The following WDFY3 variants were observed in gnomAD, a reference collection of about 807,000 sequenced individuals.
The protein encoded by WDFY3 is WD repeat and FYVE domain-containing protein 3.
Under a neutral mutation model 409.6 loss-of-function variants are expected in WDFY3, and 66 were observed. That is an observed-to-expected ratio of 0.16 (90% CI 0.13 to 0.20). WDFY3 has a LOEUF of 0.20. Ranked by LOEUF, WDFY3 falls within the 10% of genes least tolerant of loss-of-function variation. The pLI is 1.00. For synonymous variants in WDFY3, 1,521 were observed against 1,537.1 expected, an observed-to-expected ratio of 0.99 and a Z score of 0.25; for missense variants, 3,031 against 4,298.1, an observed-to-expected ratio of 0.71 and a Z score of 8.24.
intron 3 of WDFY3, among the ~76,000 whole-genome samples, chr4:84,890,745 C>T (rs1019529637): frequency 6.6e-6 from 1 of 152,138 alleles, no homozygotes; most frequent in Non-Finnish European, 1.5e-5. Context: ...GTGAAAGCAG[C>T]CATATATAAT....
intron 5 of WDFY3, among the ~76,000 whole-genome samples, chr4:84,842,002 A>G (rs940295954): frequency 2.6e-5 from 4 of 152,222 alleles, no homozygotes; most frequent in Non-Finnish European, 5.9e-5. Flanking sequence ...CGTGAAATAC[A>G]TAAGACAGCC....
At chr4:84,736,787 A>T (rs1737509315) in intron 41 of WDFY3, among the ~76,000 whole-genome samples, 1 of 152,144 alleles carries the variant, frequency 6.6e-6, no homozygotes, top group Non-Finnish European at 1.5e-5. Flanking sequence ...ATATTCCCAT[A>T]CCAAGTAGGA....
At chr4:84,690,362 G>T in intron 61 of WDFY3, 144 bp downstream of exon 61, 3 of 1,156,032 alleles carry the variant, frequency 2.6e-6, no homozygotes, top group Non-Finnish European at 3.6e-6. Context: ...TTTCAAAAAA[G>T]TATTTCTAGC....
chr4:84,673,687 G>T (rs1235495629), intron 67 of WDFY3, among the ~76,000 whole-genome samples: 3 of 152,082 alleles, frequency 2.0e-5, no homozygotes, highest in Non-Finnish European at 4.4e-5. Context: ...AGTATTCAGA[G>T]TTCCTATTCC....
intron 4 of WDFY3, among the ~76,000 whole-genome samples, chr4:84,858,829 T>C (rs369282228): frequency 1.1e-4 from 16 of 150,018 alleles, no homozygotes; most frequent in East Asian, 2.0e-4. Flanking sequence ...GGCATGGAGA[T>C]AGATCTGGAA....
chr4:84,885,290 C>A (rs1247085451), intron 3 of WDFY3, among the ~76,000 whole-genome samples: 1 of 150,910 alleles, frequency 6.6e-6, no homozygotes, highest in African/African-American at 2.4e-5. Flanking sequence ...CAGGAGTGAG[C>A]CACCACGCCT....
chr4:84,789,388 G>C (rs752715549), intron 22 of WDFY3, among the ~76,000 whole-genome samples: 1 of 152,094 alleles, frequency 6.6e-6, no homozygotes, highest in Non-Finnish European at 1.5e-5. Context: ...TAATGAAGTG[G>C]CAAAATAGTG....
At chr4:84,961,900 C>G (rs187107392) in intron 1 of WDFY3, among the ~76,000 whole-genome samples, 12 of 152,154 alleles carry the variant, frequency 7.9e-5, no homozygotes, top group African/African-American at 2.9e-4. Flanking sequence ...AAAAAGGTTA[C>G]TGATATTAAT....
At position 84,826,799 on chromosome 4, in the gene WDFY3, A is replaced by T. The variant is rs935845102; in HGVS notation, c.1123+16T>A. 1 of 1,578,344 alleles carries T rather than the reference A, an allele frequency of 6.3e-7. No homozygotes were observed. Among genetic ancestry groups the T allele is most frequent in the Non-Finnish European group, 8.6e-7 (1 of 1,168,934 alleles). On this transcript the variant is annotated intron_variant, in intron 10 of 67. Coordinates refer to ENST00000295888, the MANE Select transcript of WDFY3 (RefSeq NM_014991.6). ...TATTTCTCTCAGTAGCACAGAAGGG[A>T]AAAAACAAGACTCACCTTTGCCTGC...
chr4:84,816,989 T>C (rs1303730048), intron 13 of WDFY3, among the ~76,000 whole-genome samples: 6 of 152,154 alleles, frequency 3.9e-5, no homozygotes, highest in African/African-American at 7.2e-5. Flanking sequence ...TGATATCTAC[T>C]AGAATATCCA....
chr4:84,740,733 A>T (rs1738261250), intron 38 of WDFY3, among the ~76,000 whole-genome samples: 1 of 152,198 alleles, frequency 6.6e-6, no homozygotes, highest in Admixed American at 6.5e-5. Context: ...TCTCCTCACA[A>T]ATATATTTTG....
intron 1 of WDFY3, among the ~76,000 whole-genome samples, chr4:84,947,514 A>AAAT (rs200130662): frequency 0.24 from 33,677 of 140,348 alleles, 4,879 homozygotes; most frequent in Non-Finnish European, 0.32. Context: ...TCCGTCTCAA[A>AAAT]AATAATAATA....
chr4:84,676,383 T>A (rs898932144), intron 67 of WDFY3, among the ~76,000 whole-genome samples: 1 of 152,154 alleles, frequency 6.6e-6, no homozygotes, highest in Non-Finnish European at 1.5e-5. Flanking sequence ...GACTAAGAAT[T>A]TGGAGAACCT....
Position 84,670,127 on chromosome 4 carries a change from T to C in WDFY3, c.*2741A>G, listed in dbSNP as rs1725245820. ...TGCTATTATCCAGACGGATGGCTGC[T>C]ATGGGCAGCTATTCTCTTCTTCAAA... On this transcript the variant is annotated 3_prime_UTR_variant, in exon 68 of 68. Coordinates refer to ENST00000295888, the MANE Select transcript of WDFY3 (RefSeq NM_014991.6). 1 of 152,670 alleles carries C rather than the reference T, an allele frequency of 6.6e-6. No homozygotes were observed. The highest frequency in any genetic ancestry group is 6.5e-5 in the Admixed American group (1 of 15,290). The allele number at this position is 152,670 out of a possible 1,614,324, so 9.5% of individuals were successfully genotyped here. A position where few individuals can be genotyped will look rare whatever the true frequency, so the allele number is the denominator to read the frequency against.
intron 44 of WDFY3, among the ~76,000 whole-genome samples, chr4:84,728,257 G>C (rs973527090): frequency 3.9e-5 from 6 of 151,982 alleles, no homozygotes; most frequent in Admixed American, 2.6e-4. Context: ...GACCAGGAGC[G>C]GTGGCTCACA....
chr4:84,835,662 A>C (rs112340541), intron 7 of WDFY3, among the ~76,000 whole-genome samples: 4,506 of 152,260 alleles, frequency 0.03, 96 homozygotes, highest in Non-Finnish European at 0.042. Flanking sequence ...CTGTCCTTTC[A>C]TCACTAGCAG....
rs557843787 is a variant in WDFY3 at position 84,719,515 on chromosome 4, C to T, written c.7606-945G>A. Among the ~76,000 whole-genome samples the T allele has an allele frequency of 2.0e-5, 3 of 152,256 alleles. No individual in the cohort carries two copies. In the East Asian group the frequency reaches 5.8e-4, roughly 29 times the overall value. On this transcript the variant is annotated intron_variant, in intron 47 of 67. Transcript: ENST00000295888. ...AAGCAACCAGAGCAAAAACTGTACT[C>T]ATGAGATTAAAAGTTTTAAAAATGA...
intron 61 of WDFY3, 65 bp downstream of exon 61, chr4:84,690,441 C>T: frequency 6.2e-7 from 1 of 1,610,660 alleles, no homozygotes; most frequent in Non-Finnish European, 8.5e-7. Context: ...CTTTTTACTT[C>T]CTACAGGGTG....
Position 84,684,048 on chromosome 4 carries a change from C to T in WDFY3, c.9621G>A (p.Thr3207=), listed in dbSNP as rs201978616. ...INGNPIVSVN[T]FTGRSQQIIC... The stretch of plus-strand genomic sequence containing the variant: ...TGATCTGCTGGCTCCTACCTGTGAA[C>T]GTGTTGACACTCACGATAGGGTTCC... Residue 3207 remains threonine, a synonymous_variant, in exon 63 of 68, where the codon ACG becomes ACA. Transcript: ENST00000295888. 48 of 1,613,660 alleles carry T rather than the reference C, an allele frequency of 3.0e-5. No individual in the cohort carries two copies. The highest frequency in any genetic ancestry group is 3.7e-5 in the Non-Finnish European group (44 of 1,179,620).
Sources: allele counts gnomAD v4.1 joint callset (sites outside exome capture counted in the v4.1 genomes callset), GRCh38; gene constraint gnomAD v4.1.1; transcripts MANE v1.5; gene names NCBI Gene and HGNC (gene_info 2026-07-23, HGNC 2026-07-21).